The following SEC61A2 variants were observed in gnomAD, a reference collection of about 807,000 sequenced individuals.
The protein encoded by SEC61A2 is protein transport protein Sec61 subunit alpha isoform 2.
Under a neutral mutation model 59.9 loss-of-function variants are expected in SEC61A2, and 28 were observed. That is an observed-to-expected ratio of 0.47 (90% CI 0.35 to 0.64). The LOEUF (loss-of-function observed/expected upper bound fraction) is 0.64, where lower values mean the gene tolerates loss of function less well. Among genes scored for constraint, SEC61A2 ranks in the 30% least tolerant of loss-of-function variants. The pLI is 0.01. For synonymous variants in SEC61A2, 202 were observed against 214.4 expected (o/e 0.94, Z 0.50); for missense variants, 340 against 585.9 (o/e 0.58, Z 4.33).
chr10:12,129,679 G>A lies in SEC61A2; in HGVS notation c.-109G>A, dbSNP rs1833678793. The A allele has an allele frequency of 6.3e-6, 7 of 1,116,894 alleles. No individual in the cohort carries two copies. The highest frequency in any genetic ancestry group is 2.5e-5 in the Admixed American group (1 of 39,806). The allele number at this position is 1,116,894 out of a possible 1,614,324, so 69.2% of individuals were successfully genotyped here. ...GCGCGGGGTTGGGCGGAGCCTGCGC[G>A]GGGCCGGTAGGATCGCGTCGGGAGC... On this transcript the variant is annotated 5_prime_UTR_variant, in exon 1 of 12. Coordinates refer to ENST00000298428, the MANE Select transcript of SEC61A2 (RefSeq NM_018144.4). The surrounding 1 kb of genome is among the most constrained non-coding windows in gnomAD (Gnocchi z 5.6).
intron 8 of SEC61A2, among the ~76,000 whole-genome samples, chr10:12,157,515 T>TC (rs1307447726): frequency 6.7e-6 from 1 of 149,174 alleles, no homozygotes; most frequent in East Asian, 2.0e-4. Flanking sequence ...TTTTTTTTTT[T>TC]TTTTTTGAGA....
At position 12,164,802 on chromosome 10, in the gene SEC61A2, GAAAA is replaced by G. The variant is rs1834626379; in HGVS notation, c.*350_*353del. 9.7e-7 allele frequency: 1 copy of G among 1,028,150 alleles called. No individual in the cohort carries two copies. The highest frequency in any genetic ancestry group is 1.2e-6 in the Non-Finnish European group (1 of 858,070). 63.7% of individuals were successfully genotyped at this position (1,028,150 alleles called of 1,614,324 possible). A position where few individuals can be genotyped will look rare whatever the true frequency, so the allele number is the denominator to read the frequency against. On this transcript the variant is annotated 3_prime_UTR_variant, in exon 12 of 12. Transcript: ENST00000298428. This position sits in a 1 kb window ranked among gnomAD's most constrained non-coding sequence, Gnocchi z 7.3. ...ACACTTCATATTGCCCCCACTTGTT[GAAAA>G]ATAAATGTAGTTCAAATTGCCACTT...
chr10:12,149,813 G>T lies in SEC61A2; in HGVS notation c.353-39G>T. On this transcript the variant is annotated intron_variant, in intron 5 of 11. Transcript: ENST00000298428. The surrounding 1 kb of genome is among the most constrained non-coding windows in gnomAD (Gnocchi z 5.2). Reference sequence around the variant, plus strand: ...TTTCTCTAGTCTTTTCTTGTCTTTGGTGGTAAGCGTGCTCTCCTTTCCCCC... The same window carrying T: ...TTTCTCTAGTCTTTTCTTGTCTTTGTTGGTAAGCGTGCTCTCCTTTCCCCC... The T allele has an allele frequency of 6.2e-7, 1 of 1,608,334 alleles. No homozygotes were observed. The highest frequency in any genetic ancestry group is 8.5e-7 in the Non-Finnish European group (1 of 1,176,000).
intron 3 of SEC61A2, among the ~76,000 whole-genome samples, chr10:12,137,346 G>C (rs966613315): frequency 2.0e-5 from 3 of 151,690 alleles, no homozygotes; most frequent in Non-Finnish European, 2.9e-5. Context: ...TTTGAGACAG[G>C]GTCTCACTCT....
rs1447022719 is a variant in SEC61A2, at chr10:12,155,622, G to A, written c.463-156G>A. 1.3e-5 allele frequency among the ~76,000 whole-genome samples: 2 copies of A among 152,154 alleles called. No homozygotes were observed. Among genetic ancestry groups the A allele is most frequent in the Non-Finnish European group, 2.9e-5 (2 of 68,010 alleles). Reference sequence around the variant, plus strand: ...TCTAGATTGGCCTGAGTAAATGAAAGCAGGCCAAAAGATGCAGTTGGTCAT... The same window carrying A: ...TCTAGATTGGCCTGAGTAAATGAAAACAGGCCAAAAGATGCAGTTGGTCAT... On this transcript the variant is annotated intron_variant, in intron 6 of 11. Transcript: ENST00000298428. The surrounding 1 kb of genome is among the most constrained non-coding windows in gnomAD (Gnocchi z 4.3).
At chr10:12,147,298 C>T (rs1481355046) in intron 4 of SEC61A2, among the ~76,000 whole-genome samples, 1 of 152,158 alleles carries the variant, frequency 6.6e-6, no homozygotes, top group Admixed American at 6.5e-5. Flanking sequence ...GATTTTTTGC[C>T]ATGCTTAGAA....
chr10:12,131,152 G>A (rs1833725449), intron 1 of SEC61A2, among the ~76,000 whole-genome samples: 1 of 152,222 alleles, frequency 6.6e-6, no homozygotes, highest in Admixed American at 6.5e-5. Flanking sequence ...CAGCCTGGGC[G>A]ATAGAGCGAA....
Position 12,164,368 on chromosome 10 carries a change from C to T in SEC61A2, c.1345C>T (p.Leu449=), listed in dbSNP as rs1834612275. ...GAIGSGTGIL[L]AVTIIYQYFE... is the part of the protein sequence containing the mutation. ...CATTGGATCTGGCACTGGAATTCTG[C>T]TAGCAGTCACTATTATTTACCAGTA... Residue 449 remains leucine, a synonymous_variant, in exon 12 of 12, where the codon CTA becomes TTA. Transcript: ENST00000298428. This position sits in a 1 kb window ranked among gnomAD's most constrained non-coding sequence, Gnocchi z 7.3. The T allele has an allele frequency of 4.3e-6, 7 of 1,614,088 alleles. No individual in the cohort carries two copies. Among genetic ancestry groups the T allele is most frequent in the African/African-American group, 2.7e-5 (2 of 74,934 alleles).
rs1483284220 is a variant in SEC61A2, at chr10:12,151,228, A to G, written c.462+1267A>G. On this transcript the variant is annotated intron_variant, in intron 6 of 11. Coordinates refer to ENST00000298428, the MANE Select transcript of SEC61A2 (RefSeq NM_018144.4). ...TTGCTGAAGTTAATAAACAATGGGT[A>G]TCTGGAGTCCTGATTTTCTTGGAAA... 2.0e-5 allele frequency among the ~76,000 whole-genome samples: 3 copies of G among 151,228 alleles called. 1 individual carries two copies. The highest frequency in any genetic ancestry group is 6.6e-5 in the Admixed American group (1 of 15,234).
downstream of SEC61A2, chr10:12,168,027 A>ATTTT: frequency 2.8e-5 from 17 of 615,650 alleles, no homozygotes; most frequent in Non-Finnish European, 3.4e-5. This position sits in a 1 kb window ranked among gnomAD's most constrained non-coding sequence, Gnocchi z 4.8. Context: ...AGGGATAATG[A>ATTTT]TTTTTTTTTT....
At position 12,153,854 on chromosome 10, in the gene SEC61A2, T is replaced by C; in HGVS notation, c.463-1924T>C. ...TGCATGCCGTTGTGGAAGGTATTTC[T>C]CACCTTATTTGTTTATGTTTCATTC... On this transcript the variant is annotated intron_variant, in intron 6 of 11. Transcript: ENST00000298428. The surrounding 1 kb of genome is among the most constrained non-coding windows in gnomAD (Gnocchi z 5.2). 1.3e-6 allele frequency: 2 copies of C among 1,533,750 alleles called. No homozygotes were observed. Among genetic ancestry groups the C allele is most frequent in the Non-Finnish European group, 1.8e-6 (2 of 1,132,198 alleles).
At chr10:12,139,006 G>A (rs1227078794) in intron 3 of SEC61A2, among the ~76,000 whole-genome samples, 1 of 152,028 alleles carries the variant, frequency 6.6e-6, no homozygotes, top group African/African-American at 2.4e-5. Flanking sequence ...CTGTTGCCCA[G>A]GCTGGAGTGC....
Position 12,158,702 on chromosome 10 carries a change from C to T in SEC61A2, c.975+597C>T, listed in dbSNP as rs1834462667. On this transcript the variant is annotated intron_variant, in intron 9 of 11. Transcript: ENST00000298428. The surrounding 1 kb of genome is among the most constrained non-coding windows in gnomAD (Gnocchi z 5.7). ...CTGAGATCACGCCACTGCACTCCAGCCTGGGCGACAGAACGAGACTCCGTC... is the reference window on the plus strand; with the variant it reads ...CTGAGATCACGCCACTGCACTCCAGTCTGGGCGACAGAACGAGACTCCGTC... 2.6e-5 allele frequency among the ~76,000 whole-genome samples: 4 copies of T among 152,214 alleles called. No individual in the cohort carries two copies. The East Asian group carries it at 7.8e-4, about 30-fold the overall frequency.
At position 12,157,970 on chromosome 10, in the gene SEC61A2, C is replaced by G. The variant is rs76152969; in HGVS notation, c.840C>G (p.Pro280=). ...ARYRGQYSSY[P]IKLFYTSNIP... is the part of the protein sequence containing the mutation. ...ACCGAGGACAGTACAGCAGCTACCC[C>G]ATCAAACTCTTCTACACCTCCAACA... Residue 280 remains proline (P), a synonymous_variant, in exon 9 of 12, where the codon CCC becomes CCG. Coordinates refer to ENST00000298428, the MANE Select transcript of SEC61A2 (RefSeq NM_018144.4). The G allele has an allele frequency of 6.2e-7, 1 of 1,614,162 alleles. No individual in the cohort carries two copies. Among genetic ancestry groups the G allele is most frequent in the African/African-American group, 1.3e-5 (1 of 75,038 alleles).
At chr10:12,166,814 A>C (rs1834710097), downstream of SEC61A2, 1 of 468,270 alleles carries the variant, frequency 2.1e-6, no homozygotes, top group African/African-American at 2.0e-5. Context: ...CACTGGTAGA[A>C]CTGCTAGATG....
In SEC61A2 at chr10:12,153,941, A is replaced by T; in HGVS notation, c.463-1837A>T. On this transcript the variant is annotated intron_variant, in intron 6 of 11. Transcript: ENST00000298428. This position sits in a 1 kb window ranked among gnomAD's most constrained non-coding sequence, Gnocchi z 5.2. ...TCTACATAGCAGGTCTTGACTAAAA[A>T]TTTTAAAAAACTATTAGAGAATATC... is the stretch of plus-strand genomic sequence containing the variant. 1.3e-6 allele frequency: 1 copy of T among 793,898 alleles called. No homozygotes were observed. The highest frequency in any genetic ancestry group is 1.9e-6 in the Non-Finnish European group (1 of 532,644). 49.2% of individuals were successfully genotyped at this position (793,898 alleles called of 1,614,324 possible).
downstream of SEC61A2, chr10:12,167,754 G>A (rs1213234969): frequency 1.2e-6 from 2 of 1,614,134 alleles, no homozygotes; most frequent in East Asian, 4.5e-5. Flanking sequence ...ATGTTTCAGT[G>A]CTAGAGCGTA....
rs940215915 is a variant in SEC61A2 at position 12,161,351 on chromosome 10, G to A, written c.1167+230G>A. On this transcript the variant is annotated intron_variant, in intron 10 of 11. Transcript: ENST00000298428. This position sits in a 1 kb window ranked among gnomAD's most constrained non-coding sequence, Gnocchi z 5.4. ...TCCCAGCTACTTGGGAAGTTGAGAC[G>A]GAGCAGTAACGCTTGAGTCCGGGAG... Among the ~76,000 whole-genome samples, 12 of 152,318 alleles carry A rather than the reference G, an allele frequency of 7.9e-5. No individual in the cohort carries two copies. Among genetic ancestry groups the A allele is most frequent in the Admixed American group, 2.6e-4 (4 of 15,300 alleles).
In SEC61A2 at chr10:12,161,546, TC is replaced by T. The variant is rs1355100686; in HGVS notation, c.1167+427del. Among the ~76,000 whole-genome samples, 1 of 152,144 alleles carries T rather than the reference TC, an allele frequency of 6.6e-6. No individual in the cohort carries two copies. The highest frequency in any genetic ancestry group is 1.5e-5 in the Non-Finnish European group (1 of 68,018). Reference sequence around the variant, plus strand: ...TCCCATGGGTAGGAGATCGAGACCATCCTGGTCAGCATGGTAAAACCCTTTC... The same window carrying T: ...TCCCATGGGTAGGAGATCGAGACCATCTGGTCAGCATGGTAAAACCCTTTC... On this transcript the variant is annotated intron_variant, in intron 10 of 11. Transcript: ENST00000298428. The surrounding 1 kb of genome is among the most constrained non-coding windows in gnomAD (Gnocchi z 5.4).
Sources: allele counts gnomAD v4.1 joint callset (sites outside exome capture counted in the v4.1 genomes callset), GRCh38; gene constraint gnomAD v4.1.1; non-coding constraint Gnocchi (gnomAD v3.1); transcripts MANE v1.5; gene names NCBI Gene and HGNC (gene_info 2026-07-23, HGNC 2026-07-21).